ADARB2: variants seen among roughly 807,000 people sequenced by gnomAD.
ADARB2 encodes adenosine deaminase RNA specific B2 (inactive).
Under a neutral mutation model 62.2 loss-of-function variants are expected in ADARB2, and 25 were observed. The observed-to-expected ratio is 0.40, with a 90% CI of 0.29 to 0.56. ADARB2 has a LOEUF of 0.56. ADARB2 is among the 20% of genes least tolerant of loss of function. The pLI, the probability that ADARB2 is intolerant of heterozygous loss-of-function variation, is 0.43. For synonymous variants in ADARB2, 572 were observed against 500.8 expected, an observed-to-expected ratio of 1.14 and a Z score of -1.90; for missense variants, 1,071 against 1,077.4, an observed-to-expected ratio of 0.99 and a Z score of 0.08.
intron 1 of ADARB2, among the ~76,000 whole-genome samples, chr10:1,717,356 G>C (rs559570516): frequency 6.6e-6 from 1 of 151,554 alleles, no homozygotes; most frequent in African/African-American, 2.4e-5. Flanking sequence ...TCAGTGACAA[G>C]TCCATCCTGA....
intron 1 of ADARB2, among the ~76,000 whole-genome samples, chr10:1,482,239 C>T (rs962352115): frequency 1.3e-5 from 2 of 152,162 alleles, no homozygotes; most frequent in Admixed American, 1.3e-4. Context: ...GGGTATACGT[C>T]CCAGATAATT....
At chr10:1,226,064 G>C (rs1476693260) in intron 6 of ADARB2, among the ~76,000 whole-genome samples, 1 of 151,956 alleles carries the variant, frequency 6.6e-6, no homozygotes, top group Non-Finnish European at 1.5e-5. Context: ...ACGTAGATTT[G>C]GTCTTTCCAC....
intron 1 of ADARB2, among the ~76,000 whole-genome samples, chr10:1,713,376 A>G (rs1834976681): frequency 1.3e-5 from 2 of 152,338 alleles, no homozygotes; most frequent in Admixed American, 6.5e-5. Flanking sequence ...ACATTAGAAC[A>G]TTAATCCGGG....
intron 1 of ADARB2, among the ~76,000 whole-genome samples, chr10:1,717,434 G>A (rs540440994): frequency 3.3e-5 from 5 of 151,816 alleles, no homozygotes; most frequent in South Asian, 2.1e-4. Context: ...CAGACCCTGC[G>A]CGAGAAGGGA....
intron 4 of ADARB2, among the ~76,000 whole-genome samples, chr10:1,253,800 T>C (rs1831056176): frequency 6.6e-6 from 1 of 152,026 alleles, no homozygotes; most frequent in Non-Finnish European, 1.5e-5. Flanking sequence ...ACTGGCCACG[T>C]AAAGGAGGAA....
chr10:1,429,421 C>T (rs1164670524), intron 1 of ADARB2, among the ~76,000 whole-genome samples: 3 of 152,130 alleles, frequency 2.0e-5, no homozygotes, highest in Non-Finnish European at 4.4e-5. Context: ...TAAACTGAAA[C>T]CTTTAGTATG....
intron 1 of ADARB2, among the ~76,000 whole-genome samples, chr10:1,397,367 T>C (rs1211115686): frequency 8.7e-5 from 1 of 11,506 alleles, no homozygotes; most frequent in Non-Finnish European, 2.3e-4. Context: ...CCCTCCCGAG[T>C]GGAGGCTTCC....
chr10:1,287,258 T>C (rs2131808436), intron 3 of ADARB2, among the ~76,000 whole-genome samples: 1 of 152,380 alleles, frequency 6.6e-6, no homozygotes, highest in South Asian at 2.1e-4. Flanking sequence ...TTTAGAGTTT[T>C]ATTCTTAATT....
intron 7 of ADARB2, among the ~76,000 whole-genome samples, chr10:1,212,675 T>G (rs878864671): frequency 1.1e-5 from 1 of 93,246 alleles, no homozygotes; most frequent in African/African-American, 3.9e-5. Flanking sequence ...ACCCTGCAGC[T>G]GAGAGGCCCT....
At chr10:1,344,211 C>T (rs903045199) in intron 3 of ADARB2, among the ~76,000 whole-genome samples, 21 of 152,238 alleles carry the variant, frequency 1.4e-4, no homozygotes, top group African/African-American at 3.4e-4. Flanking sequence ...TACCGGCATC[C>T]GATTTACTCA....
At chr10:1,434,634 A>AC (rs1382523651) in intron 1 of ADARB2, among the ~76,000 whole-genome samples, 1 of 151,962 alleles carries the variant, frequency 6.6e-6, no homozygotes, top group Non-Finnish European at 1.5e-5. Flanking sequence ...GTCTGAAGAA[A>AC]CCCCCCAAAC....
intron 8 of ADARB2, among the ~76,000 whole-genome samples, chr10:1,189,164 C>T (rs1313761131): frequency 6.6e-6 from 1 of 152,154 alleles, no homozygotes; most frequent in Non-Finnish European, 1.5e-5. Context: ...CAGGCTCTTC[C>T]TTTCTTTGTT....
intron 1 of ADARB2, among the ~76,000 whole-genome samples, chr10:1,581,292 T>C (rs1286725793): frequency 6.6e-6 from 1 of 152,222 alleles, no homozygotes; most frequent in Non-Finnish European, 1.5e-5. Context: ...GAGCTTTCCC[T>C]GTGACAGCTA....
intron 6 of ADARB2, among the ~76,000 whole-genome samples, chr10:1,231,495 G>A (rs1830803557): frequency 1.3e-5 from 2 of 152,072 alleles, no homozygotes; most frequent in African/African-American, 4.8e-5. Context: ...CTGGTAGTGG[G>A]GGGTGCCCTG....
At position 1,379,131 on chromosome 10, in the gene ADARB2, C is replaced by A. The variant is rs3793733; in HGVS notation, c.130G>T (p.Ala44Ser). ...DKVSILSTFL[A>S]PFKHLSPGIT... The stretch of plus-strand genomic sequence containing the variant: ...CCAGGACTCAGGTGCTTGAAAGGAG[C>A]GAGGAAGGTTGACAATATGCTTACT... The change falls in exon 2 of 10, where the codon GCT becomes TCT. Residue 44 changes from alanine to serine, a missense_variant. Transcript: ENST00000381312. 6.2e-7 allele frequency: 1 copy of A among 1,613,208 alleles called. No individual in the cohort carries two copies. Among genetic ancestry groups the A allele is most frequent in the Non-Finnish European group, 8.5e-7 (1 of 1,179,544 alleles).
chr10:1,726,848 C>T (rs1315787441), intron 1 of ADARB2, among the ~76,000 whole-genome samples: 1 of 152,062 alleles, frequency 6.6e-6, no homozygotes, highest in Non-Finnish European at 1.5e-5. Flanking sequence ...CTCAGGGGCT[C>T]ACGCTGGAAG....
intron 3 of ADARB2, among the ~76,000 whole-genome samples, chr10:1,315,186 G>T (rs1042212567): frequency 2.0e-5 from 3 of 152,202 alleles, no homozygotes; most frequent in Admixed American, 1.3e-4. Flanking sequence ...CCTCAGCGGG[G>T]TGGGGGCTTG....
At chr10:1,205,120 C>T (rs544544987) in intron 7 of ADARB2, among the ~76,000 whole-genome samples, 1 of 152,308 alleles carries the variant, frequency 6.6e-6, no homozygotes, top group South Asian at 2.1e-4. Flanking sequence ...TGAAGTGGAT[C>T]CAGGGCCTCC....
chr10:1,395,993 G>T (rs1373369804), intron 1 of ADARB2, among the ~76,000 whole-genome samples: 1 of 152,198 alleles, frequency 6.6e-6, no homozygotes, highest in East Asian at 1.9e-4. Context: ...GAGCCACATT[G>T]TCTGCTCTGA....
Sources: allele counts gnomAD v4.1 joint callset (sites outside exome capture counted in the v4.1 genomes callset), GRCh38; gene constraint gnomAD v4.1.1; transcripts MANE v1.5; gene names NCBI Gene and HGNC (gene_info 2026-07-23, HGNC 2026-07-21).